Variants in COL10A1 observed in about 807,000 individuals in gnomAD.
The protein encoded by COL10A1 is collagen type X alpha 1 chain, also known as collagen alpha-1(X) chain.
Under a neutral mutation model 18.2 loss-of-function variants are expected in COL10A1, and 10 were observed. The observed-to-expected ratio is 0.55, with a 90% CI of 0.34 to 0.93. The LOEUF (loss-of-function observed/expected upper bound fraction) is 0.93. COL10A1 is among the 40% of genes least tolerant of loss of function. COL10A1 has a pLI of 0.02. For synonymous variants in COL10A1, 330 were observed against 316.6 expected (o/e 1.04, Z -0.45); for missense variants, 897 against 853.5 (o/e 1.05, Z -0.64).
At position 116,119,953 on chromosome 6, in the gene COL10A1, T is replaced by G; in HGVS notation, c.*120A>C. The G allele has an allele frequency of 1.0e-6, 1 of 974,494 alleles. No individual in the cohort carries two copies. 60.4% of individuals were successfully genotyped at this position (974,494 alleles called of 1,614,324 possible). A position where few individuals can be genotyped will look rare whatever the true frequency, so the allele number is the denominator to read the frequency against. The stretch of plus-strand genomic sequence containing the variant: ...GTTTGTTGGTCTGATAGCTCAAATC[T>G]GTATTTCAGAAAATAAAAATTACAT... On this transcript the variant is annotated 3_prime_UTR_variant, in exon 3 of 3. Coordinates refer to ENST00000651968, the MANE Select transcript of COL10A1 (RefSeq NM_000493.4).
At chr6:116,150,554 G>C (rs893230852) in intron 1 of COL10A1, among the ~76,000 whole-genome samples, 8 of 152,282 alleles carry the variant, frequency 5.3e-5, no homozygotes, top group African/African-American at 1.9e-4. Context: ...CAAAACGCTG[G>C]GATTACAGGC....
chr6:116,163,583 T>C (rs934914276), upstream of COL10A1, among the ~76,000 whole-genome samples: 2 of 152,188 alleles, frequency 1.3e-5, no homozygotes, highest in Non-Finnish European at 2.9e-5. Context: ...TTTGGCTTTG[T>C]TGATCCCTTG....
chr6:116,139,697 C>G (rs184767996), intron 1 of COL10A1, among the ~76,000 whole-genome samples: 1 of 152,124 alleles, frequency 6.6e-6, no homozygotes, highest in Admixed American at 6.6e-5. Flanking sequence ...ATGTTATGAG[C>G]TATGGTTCTT....
intron 1 of COL10A1, among the ~76,000 whole-genome samples, chr6:116,138,352 C>G (rs187645118): frequency 1.3e-5 from 2 of 152,288 alleles, no homozygotes; most frequent in Admixed American, 6.5e-5. Flanking sequence ...CCAAGAATAG[C>G]ACTACTTAAC....
chr6:116,190,889 C>G, the COL10A1 span, among the ~76,000 whole-genome samples: 1 of 151,988 alleles, frequency 6.6e-6, no homozygotes, highest in African/African-American at 2.4e-5. Context: ...TTCTACATGG[C>G]TCTCATTAGT....
At chr6:116,134,595 C>G (rs1779543950) in intron 1 of COL10A1, among the ~76,000 whole-genome samples, 1 of 152,130 alleles carries the variant, frequency 6.6e-6, no homozygotes, top group Non-Finnish European at 1.5e-5. Context: ...TTGTGGATGC[C>G]CAGGGATAGG....
Position 116,134,533 on chromosome 6 carries a change from C to T in COL10A1, c.-15-9026G>A, listed in dbSNP as rs544802310. ...TGTCCCTGAATGAAGGAACTAAGAG[C>T]GTCAGGACATCAGATTTCCATGTTT... is the stretch of plus-strand genomic sequence containing the variant. On this transcript the variant is annotated intron_variant, in intron 1 of 1. Coordinates refer to the COL10A1 transcript ENST00000418500. Among the ~76,000 whole-genome samples, 19 of 152,242 alleles carry T rather than the reference C, an allele frequency of 1.2e-4. No homozygotes were observed. In the East Asian group the frequency reaches 1.7e-3, roughly 14 times the overall value.
At chr6:116,135,872 T>TATATATATAC (rs368675402) in intron 1 of COL10A1, among the ~76,000 whole-genome samples, 5 of 121,296 alleles carry the variant, frequency 4.1e-5, no homozygotes, top group South Asian at 4.9e-4. Context: ...TATATATATA[T>TATATATATAC]ACACACATAC....
the COL10A1 span, among the ~76,000 whole-genome samples, chr6:116,180,610 C>T: frequency 6.6e-6 from 1 of 152,136 alleles, no homozygotes; most frequent in Admixed American, 6.5e-5. Context: ...GAAATACATT[C>T]TCTATAAAAC....
chr6:116,214,451 T>C, the COL10A1 span, among the ~76,000 whole-genome samples: 1 of 152,120 alleles, frequency 6.6e-6, no homozygotes, highest in African/African-American at 2.4e-5. Flanking sequence ...GTGAGGACCA[T>C]GTTCTGCTAG....
intron 1 of COL10A1, among the ~76,000 whole-genome samples, chr6:116,147,964 G>A (rs1267592838): frequency 6.6e-6 from 1 of 150,712 alleles, no homozygotes; most frequent in African/African-American, 2.4e-5. Context: ...CCAGCCTGGC[G>A]ACAGAGCGAG....
intron 1 of COL10A1, chr6:116,145,325 C>G (rs888625860): frequency 1.3e-5 from 3 of 227,978 alleles, no homozygotes; most frequent in Non-Finnish European, 3.0e-5. Flanking sequence ...AGCATAAGAT[C>G]TGAGTTCAGT....
chr6:116,124,025 C>T (rs563338595), intron 2 of COL10A1, among the ~76,000 whole-genome samples: 1 of 152,038 alleles, frequency 6.6e-6, no homozygotes, highest in African/African-American at 2.4e-5. Context: ...CGGAAGGTTG[C>T]TTTGTCTTTT....
At chr6:116,131,161 C>T (rs775243133) in intron 1 of COL10A1, among the ~76,000 whole-genome samples, 3 of 151,998 alleles carry the variant, frequency 2.0e-5, no homozygotes, top group East Asian at 1.9e-4. Context: ...TGCTGATCTC[C>T]GTGGTATGGT....
chr6:116,192,153 TG>T, the COL10A1 span, among the ~76,000 whole-genome samples: 1 of 151,974 alleles, frequency 6.6e-6, no homozygotes, highest in South Asian at 2.1e-4. Context: ...GTTTAAGAAA[TG>T]GTGTGAGTTC....
chr6:116,122,265 A>G (rs1310262539), intron 2 of COL10A1, among the ~76,000 whole-genome samples: 1 of 152,198 alleles, frequency 6.6e-6, no homozygotes, highest in Non-Finnish European at 1.5e-5. Flanking sequence ...TAAATTTAGT[A>G]CATTTATTTT....
At chr6:116,183,055 G>A in the COL10A1 span, among the ~76,000 whole-genome samples, 8 of 152,082 alleles carry the variant, frequency 5.3e-5, no homozygotes, top group African/African-American at 1.9e-4. Flanking sequence ...TTTTATATAA[G>A]ATGAGAGATG....
the COL10A1 span, among the ~76,000 whole-genome samples, chr6:116,174,843 T>C: frequency 6.6e-6 from 1 of 152,272 alleles, no homozygotes; most frequent in South Asian, 2.1e-4. Flanking sequence ...AATGGGATTA[T>C]TAATAGTTCC....
At chr6:116,198,715 G>C in the COL10A1 span, among the ~76,000 whole-genome samples, 1 of 151,906 alleles carries the variant, frequency 6.6e-6, no homozygotes, top group East Asian at 1.9e-4. Context: ...GGCAACAGGG[G>C]AAGATCCTGT....
Sources: allele counts gnomAD v4.1 joint callset (sites outside exome capture counted in the v4.1 genomes callset), GRCh38; gene constraint gnomAD v4.1.1; transcripts MANE v1.5; gene names NCBI Gene and HGNC (gene_info 2026-07-23, HGNC 2026-07-21).